Variants in ANTXR2 observed in about 807,000 individuals in gnomAD.
ANTXR2 encodes the protein anthrax toxin receptor 2.
Under a neutral mutation model 73.7 loss-of-function variants are expected in ANTXR2, and 44 were observed. The observed-to-expected ratio is 0.60, with a 90% CI of 0.47 to 0.77. The LOEUF is 0.77. ANTXR2 is among the 30% of genes least tolerant of loss of function. The pLI is 0.00. For missense variants in ANTXR2, 604 were observed against 592.5 expected, an observed-to-expected ratio of 1.02 and a Z score of -0.20; for synonymous variants, 217 against 205.9, an observed-to-expected ratio of 1.05 and a Z score of -0.46.
intron 16 of ANTXR2, among the ~76,000 whole-genome samples, chr4:79,976,758 C>T (rs1028589664): frequency 6.6e-6 from 1 of 152,136 alleles, no homozygotes; most frequent in Non-Finnish European, 1.5e-5. Flanking sequence ...AAGCCAGGAA[C>T]CTTCCTGGGC....
intron 3 of ANTXR2, among the ~76,000 whole-genome samples, chr4:80,059,887 A>G (rs1266205839): frequency 6.6e-6 from 1 of 152,120 alleles, no homozygotes; most frequent in Admixed American, 6.6e-5. Flanking sequence ...TAAAATAAAG[A>G]TAGACTGAAA....
At chr4:80,038,190 C>A (rs561300971) in intron 7 of ANTXR2, among the ~76,000 whole-genome samples, 1 of 152,142 alleles carries the variant, frequency 6.6e-6, no homozygotes, top group South Asian at 2.1e-4. Context: ...AAAAAACATG[C>A]ATCCGGAATG....
At chr4:80,035,448 CAGAG>C (rs1377261489) in intron 8 of ANTXR2, among the ~76,000 whole-genome samples, 1 of 151,992 alleles carries the variant, frequency 6.6e-6, no homozygotes, top group African/African-American at 2.4e-5. Flanking sequence ...CAAAATAGGC[CAGAG>C]AGAATCACAC....
intron 12 of ANTXR2, among the ~76,000 whole-genome samples, chr4:79,988,580 G>A (rs1181621974): frequency 3.3e-5 from 5 of 151,758 alleles, no homozygotes; most frequent in African/African-American, 1.2e-4. Flanking sequence ...TGACAGTATT[G>A]GACAGATCAT....
At chr4:79,977,908 C>T (rs1457804259) in intron 15 of ANTXR2, 99 bp downstream of exon 15, 3 of 1,383,570 alleles carry the variant, frequency 2.2e-6, no homozygotes, top group Non-Finnish European at 2.9e-6. Context: ...TCTGCAATTT[C>T]ATCTACCCTC....
intron 9 of ANTXR2, among the ~76,000 whole-genome samples, chr4:80,033,263 A>G (rs1453072764): frequency 1.3e-5 from 2 of 152,058 alleles, no homozygotes; most frequent in African/African-American, 4.8e-5. Flanking sequence ...GACAGGGTCC[A>G]GCATTTATTA....
At chr4:79,933,669 T>G (rs1159456674) in intron 16 of ANTXR2, among the ~76,000 whole-genome samples, 1 of 150,998 alleles carries the variant, frequency 6.6e-6, no homozygotes, top group Non-Finnish European at 1.5e-5. Flanking sequence ...TCATTTAACA[T>G]TAGGTATATC....
At chr4:80,059,901 T>C (rs558681275) in intron 3 of ANTXR2, among the ~76,000 whole-genome samples, 46 of 152,244 alleles carry the variant, frequency 3.0e-4, no homozygotes, top group African/African-American at 1.0e-3. Flanking sequence ...ACTGAAATCA[T>C]GGTGTCATAA....
At chr4:79,925,656 T>C (rs1727753815) in intron 16 of ANTXR2, among the ~76,000 whole-genome samples, 1 of 152,028 alleles carries the variant, frequency 6.6e-6, no homozygotes, top group African/African-American at 2.4e-5. Flanking sequence ...ATCAAGAGAG[T>C]CATTCTCTTT....
At chr4:79,984,426 G>A (rs577749994) in intron 13 of ANTXR2, among the ~76,000 whole-genome samples, 7 of 152,238 alleles carry the variant, frequency 4.6e-5, no homozygotes, top group African/African-American at 1.7e-4. Flanking sequence ...CTTATTTCAT[G>A]TTCCTAACAT....
intron 5 of ANTXR2, 21 bp downstream of exon 5, chr4:80,055,337 AAC>A (rs758191008): frequency 2.5e-6 from 4 of 1,593,884 alleles, no homozygotes; most frequent in Non-Finnish European, 3.4e-6. Context: ...GGGTGTAGAG[AAC>A]AGTCTCAGTT....
At chr4:79,916,557 C>T (rs757063362) in intron 16 of ANTXR2, among the ~76,000 whole-genome samples, 27 of 151,884 alleles carry the variant, frequency 1.8e-4, no homozygotes, top group Non-Finnish European at 3.5e-4. Context: ...AAAAATTTCT[C>T]ATAATATGAC....
At chr4:79,913,752 G>A (rs1001675242) in intron 16 of ANTXR2, among the ~76,000 whole-genome samples, 1 of 152,064 alleles carries the variant, frequency 6.6e-6, no homozygotes, top group South Asian at 2.1e-4. Flanking sequence ...TGTAAACCAC[G>A]AAGTCCTGTG....
At chr4:79,926,905 GTGTGCATATATGTGTATATATACACA>G (rs1560866795) in intron 16 of ANTXR2, among the ~76,000 whole-genome samples, 17 of 118,616 alleles carry the variant, frequency 1.4e-4, no homozygotes, top group Non-Finnish European at 2.3e-4. Flanking sequence ...ATATACACAT[GTGTGCATATATGTGTATATATACACA>G]TGTGCATATA....
In ANTXR2 at chr4:79,903,896, C is replaced by T. The variant is rs746570017; in HGVS notation, c.*3533G>A. The stretch of plus-strand genomic sequence containing the variant: ...CCAAACTTTTCCAGTAGTAATGAAA[C>T]TCTCAAAAACTTTCTAAAGTAATGT... On this transcript the variant is annotated 3_prime_UTR_variant, in exon 17 of 17. Coordinates refer to ENST00000403729, the MANE Select transcript of ANTXR2 (RefSeq NM_058172.6). The T allele has an allele frequency of 2.0e-5, 3 of 152,096 alleles. No individual in the cohort carries two copies. Among genetic ancestry groups the T allele is most frequent in the Admixed American group, 6.6e-5 (1 of 15,238 alleles). The allele number at this position is 152,096 out of a possible 1,614,324, so 9.4% of individuals were successfully genotyped here. A position where few individuals can be genotyped will look rare whatever the true frequency, so the allele number is the denominator to read the frequency against.
intron 12 of ANTXR2, among the ~76,000 whole-genome samples, chr4:79,994,374 T>C (rs539615144): frequency 1.3e-5 from 2 of 152,148 alleles, no homozygotes; most frequent in Non-Finnish European, 2.9e-5. Flanking sequence ...GCTTCCACTC[T>C]TAGTTTTGTG....
rs1734833178 is a variant in ANTXR2, at chr4:80,072,307, C to A, written c.152+102G>T. On this transcript the variant is annotated intron_variant, in intron 1 of 16. Transcript: ENST00000403729. ...CAACAGGGCACCCCTCCGCGGGTTT[C>A]CAACACCACTCCCCGGGGTGCGCAC... The A allele has an allele frequency of 3.0e-6, 4 of 1,347,088 alleles. No homozygotes were observed. In the South Asian group the frequency reaches 5.0e-5, roughly 17 times the overall value. 83.4% of individuals were successfully genotyped at this position (1,347,088 alleles called of 1,614,324 possible).
intron 16 of ANTXR2, among the ~76,000 whole-genome samples, chr4:79,926,911 A>ATATATGTGTATATATACACATGTGTGCG (rs1727811553): frequency 9.2e-6 from 1 of 109,124 alleles, no homozygotes; most frequent in Non-Finnish European, 1.8e-5. Context: ...ACATGTGTGC[A>ATATATGTGTATATATACACATGTGTGCG]TATATGTGTA....
chr4:79,966,066 G>A (rs1729348476), intron 16 of ANTXR2, among the ~76,000 whole-genome samples: 1 of 151,460 alleles, frequency 6.6e-6, no homozygotes, highest in African/African-American at 2.4e-5. Flanking sequence ...ATTATTTAAA[G>A]CTAACAAAAG....
Sources: allele counts gnomAD v4.1 joint callset (sites outside exome capture counted in the v4.1 genomes callset), GRCh38; gene constraint gnomAD v4.1.1; transcripts MANE v1.5; gene names NCBI Gene and HGNC (gene_info 2026-07-23, HGNC 2026-07-21).